Variants in STPG2 observed in about 807,000 individuals in gnomAD.
STPG2 encodes the protein sperm tail PG-rich repeat containing 2, also known as sperm-tail PG-rich repeat-containing protein 2.
A neutral mutation model predicts 54.2 loss-of-function variants in STPG2; 56 were observed. That is an observed-to-expected ratio of 1.03 (90% CI 0.83 to 1.29). STPG2 has a LOEUF of 1.29. Ranked by LOEUF, STPG2 falls within the 50% of genes most tolerant of loss-of-function variation. STPG2 has a pLI of 0.00. For missense variants in STPG2, 596 were observed against 544.9 expected, an observed-to-expected ratio of 1.09 and a Z score of -0.93; for synonymous variants, 200 against 181.8, an observed-to-expected ratio of 1.10 and a Z score of -0.81.
chr4:97,888,756 T>C (rs1157174611), intron 8 of STPG2, among the ~76,000 whole-genome samples: 1 of 152,090 alleles, frequency 6.6e-6, no homozygotes, highest in Non-Finnish European at 1.5e-5. Context: ...GGGACAGAGG[T>C]GGAATAAAAT....
intron 10 of STPG2, among the ~76,000 whole-genome samples, chr4:97,700,420 C>T (rs887600627): frequency 3.9e-5 from 6 of 152,192 alleles, no homozygotes; most frequent in African/African-American, 1.4e-4. Flanking sequence ...AGGCATTCTG[C>T]CACTTTCTTG....
chr4:97,694,812 C>CAAAAAAAAAAAAAAAAAAAAAAAA (rs70953083), intron 10 of STPG2, among the ~76,000 whole-genome samples: 1 of 44,032 alleles, frequency 2.3e-5, no homozygotes, highest in Non-Finnish European at 4.3e-5. Context: ...GACTCTGTCA[C>CAAAAAAAAAAAAAAAAAAAAAAAA]AAAAAAAAAA....
chr4:97,937,266 T>A (rs1467495958), intron 8 of STPG2, among the ~76,000 whole-genome samples: 1 of 152,080 alleles, frequency 6.6e-6, no homozygotes, highest in Non-Finnish European at 1.5e-5. Flanking sequence ...TTATTCTAGC[T>A]AGCAGCTCCT....
intron 7 of STPG2, 105 bp from the exon 8 acceptor site, chr4:97,944,112 TTAAA>T: frequency 1.4e-6 from 1 of 723,270 alleles, no homozygotes; most frequent in Non-Finnish European, 2.3e-6. Context: ...TTATCTGGCA[TTAAA>T]TAAAGACACA....
At chr4:98,114,002 TA>T (rs1254675874) in intron 3 of STPG2, among the ~76,000 whole-genome samples, 1 of 151,806 alleles carries the variant, frequency 6.6e-6, no homozygotes, top group East Asian at 1.9e-4. Context: ...TACATGCCAG[TA>T]AAAGAGCACG....
chr4:97,634,348 C>A (rs1232463129), intron 10 of STPG2, among the ~76,000 whole-genome samples: 1 of 152,032 alleles, frequency 6.6e-6, no homozygotes, highest in Non-Finnish European at 1.5e-5. Flanking sequence ...CTGTACATCA[C>A]CATCATCAAA....
At chr4:98,110,185 G>A (rs34244876) in intron 3 of STPG2, among the ~76,000 whole-genome samples, 59,865 of 151,680 alleles carry the variant, frequency 0.39, 12,029 homozygotes, top group Middle Eastern at 0.46. Context: ...AGCCCCCCCA[G>A]CCAAGAATGT....
intron 8 of STPG2, among the ~76,000 whole-genome samples, chr4:97,847,492 C>T (rs1728989991): frequency 6.6e-6 from 1 of 151,976 alleles, no homozygotes; most frequent in African/African-American, 2.4e-5. Flanking sequence ...CCATTTAGGC[C>T]AATGCTGTTT....
chr4:97,442,114 C>T (rs1729101080), intron 4 of STPG2, among the ~76,000 whole-genome samples: 1 of 151,530 alleles, frequency 6.6e-6, no homozygotes, highest in Non-Finnish European at 1.5e-5. Flanking sequence ...TGTTGATGTC[C>T]ATTATGACTA....
intron 4 of STPG2, among the ~76,000 whole-genome samples, chr4:97,455,102 A>T (rs2148802075): frequency 6.6e-6 from 1 of 152,330 alleles, no homozygotes; most frequent in East Asian, 1.9e-4. Flanking sequence ...CACAAAAAAT[A>T]GCTCAAAAGA....
chr4:97,968,517 C>T (rs1280112429), intron 7 of STPG2, among the ~76,000 whole-genome samples: 1 of 152,110 alleles, frequency 6.6e-6, no homozygotes, highest in African/African-American at 2.4e-5. Context: ...CCCTGATGAA[C>T]ATCAATGTAA....
At chr4:97,942,484 T>G (rs1733024725) in intron 8 of STPG2, among the ~76,000 whole-genome samples, 1 of 120,048 alleles carries the variant, frequency 8.3e-6, no homozygotes. Flanking sequence ...TGCTAGATGA[T>G]TTTAAACTGT....
intron 4 of STPG2, among the ~76,000 whole-genome samples, chr4:97,476,117 T>C (rs1005067586): frequency 6.6e-6 from 1 of 152,190 alleles, no homozygotes; most frequent in Non-Finnish European, 1.5e-5. Flanking sequence ...TAATATATTG[T>C]ATTTAATTTT....
intron 10 of STPG2, among the ~76,000 whole-genome samples, chr4:97,698,088 C>G (rs141257727): frequency 1.9e-4 from 29 of 152,282 alleles, no homozygotes; most frequent in African/African-American, 7.0e-4. Context: ...TCTAGCACCA[C>G]TGGGTTAGGG....
At position 97,973,386 on chromosome 4, in the gene STPG2, T is replaced by A. The variant is rs570688186; in HGVS notation, c.773-946A>T. On this transcript the variant is annotated intron_variant, in intron 6 of 10. Transcript: ENST00000295268. ...TTTCTAAGCAGCAAAGCATTCAAGA[T>A]GTGACTTGGGTGCTGTTAAAGGCAT... Among the ~76,000 whole-genome samples, 4 of 152,300 alleles carry A rather than the reference T, an allele frequency of 2.6e-5. No individual in the cohort carries two copies. In the East Asian group the frequency reaches 7.7e-4, roughly 29 times the overall value.
At chr4:97,662,714 A>T (rs1164137797) in intron 10 of STPG2, among the ~76,000 whole-genome samples, 1 of 152,164 alleles carries the variant, frequency 6.6e-6, no homozygotes, top group Non-Finnish European at 1.5e-5. Flanking sequence ...GCATGTTGTC[A>T]TTTATCAGTG....
chr4:97,779,562 AT>A (rs1726526397), intron 9 of STPG2, among the ~76,000 whole-genome samples: 1 of 152,192 alleles, frequency 6.6e-6, no homozygotes, highest in Non-Finnish European at 1.5e-5. Context: ...CAACATTCAA[AT>A]TCAGGACATA....
chr4:97,572,565 A>G (rs1732626965), intron 10 of STPG2: 2 of 152,194 alleles, frequency 1.3e-5, no homozygotes. Context: ...TTTGGTTATT[A>G]ACATAAGGGA....
intron 10 of STPG2, among the ~76,000 whole-genome samples, chr4:97,698,838 T>C (rs970527825): frequency 1.3e-5 from 2 of 152,144 alleles, no homozygotes; most frequent in African/African-American, 2.4e-5. Context: ...ATGGGGAACA[T>C]GGTAAGACTA....
Sources: allele counts gnomAD v4.1 joint callset (sites outside exome capture counted in the v4.1 genomes callset), GRCh38; gene constraint gnomAD v4.1.1; transcripts MANE v1.5; gene names NCBI Gene and HGNC (gene_info 2026-07-23, HGNC 2026-07-21).